MAPK6: variants seen among roughly 807,000 people sequenced by gnomAD.
MAPK6 encodes ERK-3.
A neutral mutation model predicts 59.3 loss-of-function variants in MAPK6; 19 were observed. The ratio of observed to expected loss-of-function variants is 0.32; its 90% CI spans 0.22 to 0.47. MAPK6 has a LOEUF of 0.47. MAPK6 is among the 20% of genes least tolerant of loss of function. The probability of loss-of-function intolerance (pLI) is 1.00; values close to 1 mark genes in which losing one functional copy is unlikely to be tolerated. For missense variants in MAPK6, 724 were observed against 847.9 expected, an observed-to-expected ratio of 0.85 and a Z score of 1.81; for synonymous variants, 316 against 290.3, an observed-to-expected ratio of 1.09 and a Z score of -0.90.
intron 2 of MAPK6, among the ~76,000 whole-genome samples, chr15:51,994,807 A>G (rs1595960763): frequency 6.6e-6 from 1 of 152,208 alleles, no homozygotes; most frequent in Non-Finnish European, 1.5e-5. Flanking sequence ...TCATGATAAA[A>G]CCTCAGACAA....
chr15:51,989,675 C>T (rs1439345435), intron 2 of MAPK6, among the ~76,000 whole-genome samples: 2 of 152,198 alleles, frequency 1.3e-5, no homozygotes, highest in Non-Finnish European at 2.9e-5. Context: ...TCACTACTCA[C>T]TGTAACCTCA....
chr15:52,005,153 C>A (rs1398272825), intron 3 of MAPK6, among the ~76,000 whole-genome samples: 1 of 152,154 alleles, frequency 6.6e-6, no homozygotes, highest in African/African-American at 2.4e-5. Context: ...AAATAAGTTA[C>A]CCCAAAAGGT....
chr15:51,983,548 G>T lies in MAPK6; in HGVS notation c.-770+233G>T, dbSNP rs542485552. Among the ~76,000 whole-genome samples, 33 of 152,078 alleles carry T rather than the reference G, an allele frequency of 2.2e-4. No individual in the cohort carries two copies. The East Asian group carries it at 6.2e-3, about 29-fold the overall frequency. Reference sequence around the variant, plus strand: ...CAACAGGGCTGATGTGGTGGCTCTTGCTTGGAATCCCAGCACTTTGGGAGG... The same window carrying T: ...CAACAGGGCTGATGTGGTGGCTCTTTCTTGGAATCCCAGCACTTTGGGAGG... On this transcript the variant is annotated intron_variant, in intron 2 of 7. Transcript: ENST00000691380.
rs1400512731 is a variant in MAPK6, at chr15:52,066,566, C to A, written c.*1566C>A. 1 of 151,700 alleles carries A rather than the reference C, an allele frequency of 6.6e-6. No homozygotes were observed. Among genetic ancestry groups the A allele is most frequent in the African/African-American group, 2.4e-5 (1 of 41,290 alleles). 9.4% of individuals were successfully genotyped at this position (151,700 alleles called of 1,614,324 possible). On this transcript the variant is annotated 3_prime_UTR_variant, in exon 6 of 6. Coordinates refer to ENST00000261845, the MANE Select transcript of MAPK6 (RefSeq NM_002748.4). ...TCCAGCTACAAAACCATCCTCTTCACCTCACTTTTCTTTCATCCTTGTTTT... is the reference window on the plus strand; with the variant it reads ...TCCAGCTACAAAACCATCCTCTTCAACTCACTTTTCTTTCATCCTTGTTTT...
At position 52,064,682 on chromosome 15, in the gene MAPK6, T is replaced by A; in HGVS notation, c.1848T>A (p.Asp616Glu). Residue 616 changes from aspartate to glutamate, a missense_variant, in exon 6 of 6, where the codon GAT becomes GAA. Asp to Glu is a conservative substitution (Grantham distance 45). Around this residue, in one of 4 missense-constraint regions of MAPK6, gnomAD observed 502 missense variants for 507.6 expected, o/e 0.99. Coordinates refer to ENST00000261845, the MANE Select transcript of MAPK6 (RefSeq NM_002748.4). ...ATCAGTTTTGTGAGGTAAGGAAGGA[T>A]GAACAAGTTGAGAAGGAAAACACTT... The part of the protein sequence containing the change: ...FINQFCEVRK[D>E]EQVEKENTYT... 6.2e-7 allele frequency: 1 copy of A among 1,611,900 alleles called. No homozygotes were observed. The highest frequency in any genetic ancestry group is 1.1e-5 in the South Asian group (1 of 90,966).
chr15:52,006,890 G>C (rs1277694552), intron 3 of MAPK6, among the ~76,000 whole-genome samples: 1 of 152,112 alleles, frequency 6.6e-6, no homozygotes, highest in Admixed American at 6.5e-5. Context: ...CCCTGCTTGT[G>C]ACTGAGTTAT....
At chr15:51,999,690 C>A (rs1005043009) in intron 2 of MAPK6, among the ~76,000 whole-genome samples, 1 of 152,108 alleles carries the variant, frequency 6.6e-6, no homozygotes, top group African/African-American at 2.4e-5. Flanking sequence ...GTCATCCAGG[C>A]TGGAATGCAG....
chr15:52,015,094 G>A (rs1375933444), upstream of MAPK6, among the ~76,000 whole-genome samples: 2 of 151,882 alleles, frequency 1.3e-5, no homozygotes, highest in African/African-American at 2.4e-5. Context: ...TCCGCCTCCC[G>A]GGTTCAAGCA....
At chr15:52,005,356 C>T (rs1233972648) in intron 3 of MAPK6, among the ~76,000 whole-genome samples, 2 of 152,046 alleles carry the variant, frequency 1.3e-5, no homozygotes, top group African/African-American at 2.4e-5. Context: ...AAAACCCTGT[C>T]GCTACTAAAA....
chr15:52,047,392 G>A (rs1186914749), intron 2 of MAPK6, among the ~76,000 whole-genome samples: 2 of 152,110 alleles, frequency 1.3e-5, no homozygotes, highest in African/African-American at 4.8e-5. Flanking sequence ...GTCACAAAGG[G>A]TAGAGTGCTG....
chr15:52,059,203 A>G (rs1004428476), intron 4 of MAPK6, among the ~76,000 whole-genome samples: 1 of 152,222 alleles, frequency 6.6e-6, no homozygotes, highest in African/African-American at 2.4e-5. Context: ...CTGTCTGCAC[A>G]AATTCCATTG....
intron 3 of MAPK6, among the ~76,000 whole-genome samples, chr15:52,050,357 A>T (rs1192609533): frequency 6.6e-6 from 1 of 152,190 alleles, no homozygotes; most frequent in Non-Finnish European, 1.5e-5. Flanking sequence ...TTTAAATATA[A>T]TTTCATATTT....
chr15:51,999,151 A>C (rs1159457253), intron 2 of MAPK6, among the ~76,000 whole-genome samples: 3 of 151,320 alleles, frequency 2.0e-5, no homozygotes, highest in African/African-American at 7.3e-5. Flanking sequence ...GGGCCCCACC[A>C]CCCCTGGCTA....
At position 52,067,330 on chromosome 15, in the gene MAPK6, C is replaced by A. The variant is rs1322054706; in HGVS notation, c.*2330C>A. 6.6e-6 allele frequency: 1 copy of A among 152,190 alleles called. No individual in the cohort carries two copies. The highest frequency in any genetic ancestry group is 2.4e-5 in the African/African-American group (1 of 41,436). 9.4% of individuals were successfully genotyped at this position (152,190 alleles called of 1,614,324 possible). On this transcript the variant is annotated 3_prime_UTR_variant, in exon 6 of 6. Transcript: ENST00000261845. ...GCTTTAGGGTGACCCAGGCTGAGTA[C>A]TAAGTTGTAAAGTCAATTTCCAATA...
intron 2 of MAPK6, among the ~76,000 whole-genome samples, chr15:52,048,399 A>G (rs8027276): frequency 0.016 from 2,451 of 152,216 alleles, 29 homozygotes; most frequent in African/African-American, 0.033. Context: ...CAGGCGGATC[A>G]CCTGAGGTCA....
chr15:52,023,909 G>A (rs904380082), intron 1 of MAPK6, among the ~76,000 whole-genome samples: 1 of 152,230 alleles, frequency 6.6e-6, no homozygotes, highest in Admixed American at 6.5e-5. Context: ...ACCGCGCCCA[G>A]CCAATAGAGT....
chr15:51,983,736 G>A (rs1327004969), intron 2 of MAPK6, among the ~76,000 whole-genome samples: 1 of 152,118 alleles, frequency 6.6e-6, no homozygotes, highest in Non-Finnish European at 1.5e-5. Flanking sequence ...GAGCCTGGGA[G>A]GTTGAGGATG....
At chr15:52,029,739 A>G (rs965203179) in intron 1 of MAPK6, among the ~76,000 whole-genome samples, 1 of 152,172 alleles carries the variant, frequency 6.6e-6, no homozygotes, top group Non-Finnish European at 1.5e-5. Context: ...TTGGTCTCCA[A>G]AATATCACTT....
At chr15:52,029,285 AC>A (rs1419843349) in intron 1 of MAPK6, among the ~76,000 whole-genome samples, 1 of 151,994 alleles carries the variant, frequency 6.6e-6, no homozygotes, top group African/African-American at 2.4e-5. Context: ...CCTCCTTATT[AC>A]AGGCATAAGC....
Sources: allele counts gnomAD v4.1 joint callset (sites outside exome capture counted in the v4.1 genomes callset), GRCh38; gene constraint gnomAD v4.1.1; regional missense constraint gnomAD v4.1.1; transcripts MANE v1.5; gene names NCBI Gene and HGNC (gene_info 2026-07-23, HGNC 2026-07-21).